The following GALNT13 variants were observed in gnomAD, a reference collection of about 807,000 sequenced individuals.
The protein encoded by GALNT13 is polypeptide N-acetylgalactosaminyltransferase 13, also known as UDP-GalNAc:polypeptide N-acetylgalactosaminyltransferase 13.
GALNT13 carries 28 observed loss-of-function variants against 64.2 expected under a neutral mutation model. The ratio of observed to expected loss-of-function variants is 0.44; its 90% CI spans 0.32 to 0.60. The LOEUF (loss-of-function observed/expected upper bound fraction) is 0.60. Among genes scored for constraint, GALNT13 ranks in the 20% least tolerant of loss-of-function variants. The pLI is 0.05. For missense variants in GALNT13, 577 were observed against 669.8 expected (o/e 0.86, Z 1.53); for synonymous variants, 214 against 224.6 (o/e 0.95, Z 0.42).
At chr2:153,297,199 A>G in the GALNT13 span, among the ~76,000 whole-genome samples, 4 of 152,166 alleles carry the variant, frequency 2.6e-5, no homozygotes. Flanking sequence ...GTGTTACATT[A>G]TTTATTCCAG....
the GALNT13 span, among the ~76,000 whole-genome samples, chr2:153,738,664 C>A: frequency 6.6e-6 from 1 of 151,760 alleles, no homozygotes; most frequent in Non-Finnish European, 1.5e-5. Flanking sequence ...ACACAACTTC[C>A]TTCTTTCTGT....
At chr2:153,632,705 CTG>C in the GALNT13 span, among the ~76,000 whole-genome samples, 6 of 151,900 alleles carry the variant, frequency 3.9e-5, no homozygotes, top group Non-Finnish European at 8.8e-5. Context: ...AAAGATTTAT[CTG>C]TGTTTTTTCA....
chr2:154,139,471 G>A (rs146683838), intron 3 of GALNT13, among the ~76,000 whole-genome samples: 4 of 151,880 alleles, frequency 2.6e-5, no homozygotes, highest in African/African-American at 4.8e-5. Flanking sequence ...TGGAAGAGTC[G>A]AGACATTGGA....
At chr2:154,267,641 A>G (rs982153532) in intron 8 of GALNT13, among the ~76,000 whole-genome samples, 4 of 152,220 alleles carry the variant, frequency 2.6e-5, no homozygotes, top group Non-Finnish European at 5.9e-5. Flanking sequence ...CTTCGTCTCA[A>G]AAACAAACAA....
chr2:154,336,380 G>A (rs973684892), intron 9 of GALNT13, among the ~76,000 whole-genome samples: 3 of 152,012 alleles, frequency 2.0e-5, no homozygotes, highest in African/African-American at 7.2e-5. Flanking sequence ...GCCCATCAGT[G>A]AGGACTACTG....
At chr2:154,077,442 G>A (rs1701045864) in intron 3 of GALNT13, among the ~76,000 whole-genome samples, 1 of 151,460 alleles carries the variant, frequency 6.6e-6, no homozygotes, top group Non-Finnish European at 1.5e-5. Context: ...AGACATGCAA[G>A]ATAATAATAA....
the GALNT13 span, among the ~76,000 whole-genome samples, chr2:153,740,757 C>T: frequency 6.6e-6 from 1 of 152,106 alleles, no homozygotes; most frequent in Non-Finnish European, 1.5e-5. Context: ...TGGGTGACAG[C>T]TCAAAAGTTG....
chr2:153,482,136 A>G, the GALNT13 span, among the ~76,000 whole-genome samples: 1 of 152,164 alleles, frequency 6.6e-6, no homozygotes, highest in Non-Finnish European at 1.5e-5. Flanking sequence ...TCCCTCCCCA[A>G]ATTCTTTCTC....
the GALNT13 span, among the ~76,000 whole-genome samples, chr2:153,618,138 C>T: frequency 6.6e-6 from 1 of 151,524 alleles, no homozygotes. Context: ...AGTTGTTTCT[C>T]TTTTTTGATG....
the GALNT13 span, among the ~76,000 whole-genome samples, chr2:153,628,988 G>T: frequency 1.3e-5 from 2 of 151,960 alleles, no homozygotes. Context: ...GACTCTTTTT[G>T]GTTGGTAAGC....
At chr2:154,154,641 G>A (rs1334600325) in intron 4 of GALNT13, among the ~76,000 whole-genome samples, 1 of 151,978 alleles carries the variant, frequency 6.6e-6, no homozygotes, top group Non-Finnish European at 1.5e-5. Flanking sequence ...GAAACATAAA[G>A]CAATATGTAG....
At chr2:154,315,884 T>TGG (rs1446667726) in intron 9 of GALNT13, among the ~76,000 whole-genome samples, 2 of 152,132 alleles carry the variant, frequency 1.3e-5, no homozygotes, top group East Asian at 3.9e-4. Flanking sequence ...GGTCAGGAGT[T>TGG]CCAGACCAGA....
chr2:154,361,583 C>G (rs1365823718), intron 9 of GALNT13, among the ~76,000 whole-genome samples: 2 of 152,018 alleles, frequency 1.3e-5, no homozygotes, highest in African/African-American at 4.8e-5. Context: ...TTATATAAAA[C>G]TAAAAATAGT....
the GALNT13 span, among the ~76,000 whole-genome samples, chr2:153,214,913 G>A: frequency 6.6e-6 from 1 of 151,930 alleles, no homozygotes; most frequent in East Asian, 1.9e-4. Context: ...AAACTCTTGG[G>A]TATCCAAACA....
the GALNT13 span, among the ~76,000 whole-genome samples, chr2:153,596,741 G>A: frequency 2.0e-5 from 3 of 151,800 alleles, no homozygotes; most frequent in Non-Finnish European, 2.9e-5. Context: ...AATAAAATCA[G>A]TAATTAAAAT....
At chr2:154,233,772 C>G (rs941990782) in intron 4 of GALNT13, among the ~76,000 whole-genome samples, 9 of 152,016 alleles carry the variant, frequency 5.9e-5, no homozygotes, top group African/African-American at 2.2e-4. Context: ...CCAGACAGAA[C>G]AATAGAGTGG....
chr2:154,447,723 T>C (rs888718161), intron 12 of GALNT13, among the ~76,000 whole-genome samples: 1 of 151,898 alleles, frequency 6.6e-6, no homozygotes, highest in Non-Finnish European at 1.5e-5. Context: ...GGGTACTATT[T>C]TACTTAGAAC....
At chr2:153,380,248 C>T in the GALNT13 span, among the ~76,000 whole-genome samples, 1 of 152,122 alleles carries the variant, frequency 6.6e-6, no homozygotes, top group Non-Finnish European at 1.5e-5. Context: ...AAACAGTACA[C>T]TCTAAGAACT....
At chr2:153,833,868 A>G in the GALNT13 span, among the ~76,000 whole-genome samples, 244 of 152,210 alleles carry the variant, frequency 1.6e-3, 3 homozygotes, top group African/African-American at 5.7e-3. Context: ...ATATGGTGGT[A>G]GCTTGGGGAT....
Sources: allele counts gnomAD v4.1 joint callset (sites outside exome capture counted in the v4.1 genomes callset), GRCh38; gene constraint gnomAD v4.1.1; transcripts MANE v1.5; gene names NCBI Gene and HGNC (gene_info 2026-07-23, HGNC 2026-07-21).